Variants in CSMD1 observed in about 807,000 individuals in gnomAD.
CSMD1 encodes the protein CUB and sushi domain-containing protein 1.
CSMD1 carries 213 observed loss-of-function variants against 417.5 expected under a neutral mutation model. The observed-to-expected ratio is 0.51, with a 90% CI of 0.46 to 0.57. The LOEUF is 0.57. CSMD1 is among the 20% of genes least tolerant of loss of function. The pLI is 0.00. For missense variants in CSMD1, 6,923 were observed against 4,529.7 expected (o/e 1.53, Z -15.17); for synonymous variants, 2,862 against 1,736.8 (o/e 1.65, Z -16.11).
intron 7 of CSMD1, among the ~76,000 whole-genome samples, chr8:3,644,370 G>C (rs933544659): frequency 1.3e-5 from 2 of 152,154 alleles, no homozygotes; most frequent in African/African-American, 4.8e-5. Context: ...AAAATCAGCA[G>C]GTGCGAGTGA....
chr8:4,955,888 A>C (rs1207487127), intron 1 of CSMD1, among the ~76,000 whole-genome samples: 1 of 152,194 alleles, frequency 6.6e-6, no homozygotes, highest in Non-Finnish European at 1.5e-5. Flanking sequence ...GTAGTTGTTA[A>C]ACTTCAGAGG....
At chr8:4,847,772 T>A (rs1394274980) in intron 1 of CSMD1, among the ~76,000 whole-genome samples, 3 of 145,906 alleles carry the variant, frequency 2.1e-5, no homozygotes, top group Admixed American at 6.8e-5. Flanking sequence ...TTCCTCTCTA[T>A]CGGGATTTTT....
intron 12 of CSMD1, among the ~76,000 whole-genome samples, chr8:3,458,867 C>G (rs1393352531): frequency 6.6e-6 from 1 of 152,142 alleles, no homozygotes; most frequent in Non-Finnish European, 1.5e-5. Flanking sequence ...ACACAAAACA[C>G]TCTAGGAAAA....
At chr8:3,046,344 C>T (rs755804600) in intron 50 of CSMD1, among the ~76,000 whole-genome samples, 1 of 152,124 alleles carries the variant, frequency 6.6e-6, no homozygotes, top group Non-Finnish European at 1.5e-5. Flanking sequence ...CTAAGGGTTA[C>T]AGGAGATACC....
intron 1 of CSMD1, among the ~76,000 whole-genome samples, chr8:4,640,745 C>A (rs1275570482): frequency 1.3e-5 from 2 of 151,508 alleles, no homozygotes; most frequent in African/African-American, 2.4e-5. Flanking sequence ...CTTGTAAGTA[C>A]CTTTGTAATT....
At chr8:3,553,291 G>A (rs1044095500) in intron 10 of CSMD1, among the ~76,000 whole-genome samples, 1 of 152,292 alleles carries the variant, frequency 6.6e-6, no homozygotes, top group African/African-American at 2.4e-5. Context: ...GCACACGCTT[G>A]GTGAAATGGA....
At chr8:3,418,357 C>A (rs1304285815) in intron 12 of CSMD1, among the ~76,000 whole-genome samples, 1 of 152,082 alleles carries the variant, frequency 6.6e-6, no homozygotes, top group East Asian at 1.9e-4. Flanking sequence ...ATAGCACTGT[C>A]CAAATTATTT....
chr8:3,783,409 G>C (rs573920131), intron 5 of CSMD1, among the ~76,000 whole-genome samples: 1 of 152,232 alleles, frequency 6.6e-6, no homozygotes, highest in Non-Finnish European at 1.5e-5. Flanking sequence ...GGCTGGCACA[G>C]TCAGGCGGCC....
chr8:4,173,169 T>C lies in CSMD1; in HGVS notation c.416-141070A>G, dbSNP rs534525837. Among the ~76,000 whole-genome samples the C allele has an allele frequency of 5.6e-4, 85 of 152,252 alleles. 1 individual carries two copies. The highest frequency in any genetic ancestry group is 2.0e-3 in the African/African-American group (82 of 41,524). ...TTGCTAGATTGATTATAATAGCGCA[T>C]AAAAATACAGGATGCTCAATTAAAA... is the stretch of plus-strand genomic sequence containing the variant. On this transcript the variant is annotated intron_variant, in intron 3 of 69. Coordinates refer to ENST00000635120, the MANE Select transcript of CSMD1 (RefSeq NM_033225.6).
At chr8:3,486,741 A>C (rs1049956086) in intron 11 of CSMD1, among the ~76,000 whole-genome samples, 6 of 152,220 alleles carry the variant, frequency 3.9e-5, no homozygotes, top group Non-Finnish European at 8.8e-5. Flanking sequence ...CTCAAGACAC[A>C]TCCAATGGGT....
chr8:3,137,355 T>C (rs148768686), intron 41 of CSMD1, among the ~76,000 whole-genome samples: 1 of 152,230 alleles, frequency 6.6e-6, no homozygotes, highest in Non-Finnish European at 1.5e-5. Flanking sequence ...TCCGAAAATG[T>C]ATATGCAGCA....
intron 5 of CSMD1, among the ~76,000 whole-genome samples, chr8:3,868,298 C>G (rs576797294): frequency 3.7e-4 from 56 of 152,194 alleles, no homozygotes; most frequent in African/African-American, 1.3e-3. Flanking sequence ...GCCCTGCTTG[C>G]AGGAGAGATT....
At chr8:4,452,235 C>G (rs1799188814) in intron 2 of CSMD1, among the ~76,000 whole-genome samples, 1 of 152,188 alleles carries the variant, frequency 6.6e-6, no homozygotes, top group African/African-American at 2.4e-5. Context: ...CTGATTCCAA[C>G]AACCCAAACT....
chr8:4,445,703 G>T (rs980881100), intron 2 of CSMD1, among the ~76,000 whole-genome samples: 1 of 152,120 alleles, frequency 6.6e-6, no homozygotes, highest in Non-Finnish European at 1.5e-5. Flanking sequence ...AACTTGGAAG[G>T]AATTTCTATT....
At chr8:3,123,234 C>T (rs1282433308) in intron 41 of CSMD1, among the ~76,000 whole-genome samples, 1 of 152,152 alleles carries the variant, frequency 6.6e-6, no homozygotes, top group East Asian at 1.9e-4. Context: ...CGTGTGGCTC[C>T]CTGGGCCAAC....
At chr8:3,620,919 G>A (rs1277718678) in intron 7 of CSMD1, among the ~76,000 whole-genome samples, 2 of 152,118 alleles carry the variant, frequency 1.3e-5, no homozygotes, top group South Asian at 2.1e-4. Flanking sequence ...CTAAACACCA[G>A]TACCTCACAA....
Position 3,530,863 on chromosome 8 carries a change from T to G in CSMD1, c.1345-37137A>C, listed in dbSNP as rs370375542. On this transcript the variant is annotated intron_variant, in intron 10 of 69. Transcript: ENST00000635120. The stretch of plus-strand genomic sequence containing the variant: ...GAATCTTGACGCCTCTCCTTTTTCC[T>G]ATTTTTTTTTTTAAGATGGAGTCTC... 9.8e-3 allele frequency among the ~76,000 whole-genome samples: 1,078 copies of G among 109,634 alleles called. 5 individuals are homozygous for G. Among genetic ancestry groups the G allele is most frequent in the Non-Finnish European group, 0.016 (740 of 46,806 alleles). 71.9% of individuals were successfully genotyped at this position (109,634 alleles called of 152,430 possible).
At chr8:3,191,891 T>C (rs1459833655) in intron 33 of CSMD1, among the ~76,000 whole-genome samples, 1 of 152,228 alleles carries the variant, frequency 6.6e-6, no homozygotes, top group Non-Finnish European at 1.5e-5. Flanking sequence ...CTTGTGTTTC[T>C]TCATCCTAAA....
chr8:3,261,748 A>C (rs946988660), intron 26 of CSMD1, among the ~76,000 whole-genome samples: 3 of 152,104 alleles, frequency 2.0e-5, no homozygotes, highest in Admixed American at 6.6e-5. Context: ...GGCCAGTCCG[A>C]GAGACGACAC....
Sources: gnomAD v4.1 joint callset for allele counts (sites outside exome capture counted in the v4.1 genomes callset) on GRCh38, gnomAD v4.1.1 for gene constraint, MANE v1.5 for transcripts, NCBI Gene and HGNC (gene_info 2026-07-23, HGNC 2026-07-21) for gene names.